DOCK4: variants seen among roughly 807,000 people sequenced by gnomAD.
DOCK4 encodes the protein dedicator of cytokinesis 4.
In DOCK4, 97 loss-of-function variants were observed where a neutral mutation model predicts 268.1. The observed-to-expected ratio is 0.36, with a 90% CI of 0.31 to 0.43. The LOEUF is 0.43. Ranked by LOEUF, DOCK4 falls within the 20% of genes least tolerant of loss-of-function variation. The pLI is 1.00. For synonymous variants in DOCK4, 954 were observed against 887.2 expected (o/e 1.08, Z -1.34); for missense variants, 2,145 against 2,455.7 (o/e 0.87, Z 2.67).
At chr7:111,974,550 TG>T (rs1248259666) in intron 8 of DOCK4, among the ~76,000 whole-genome samples, 16 of 54,568 alleles carry the variant, frequency 2.9e-4, no homozygotes, top group Non-Finnish European at 1.9e-4. Flanking sequence ...GTGTGTATGA[TG>T]GGGGTTGCAG....
In DOCK4 at chr7:111,811,930, G is replaced by C. The variant is rs1172580232; in HGVS notation, c.2950C>G (p.Leu984Val). The part of the protein sequence containing the change: ...VANNVIITTV[L>V]YLSDALRKNF... ...TTACGAAGTGCATCTGAGAGGTATAGAACTGTTGTAATAATAACACTAGTG... is the reference window on the plus strand; with the variant it reads ...TTACGAAGTGCATCTGAGAGGTATACAACTGTTGTAATAATAACACTAGTG... Residue 984 changes from leucine (L) to valine (V), a missense_variant, in exon 28 of 53, where the codon CTA becomes GTA. Leu to Val is a conservative substitution (Grantham distance 32, BLOSUM62 1). Transcript: ENST00000428084. 8.5e-6 allele frequency: 13 copies of C among 1,521,470 alleles called. No homozygotes were observed. The highest frequency in any genetic ancestry group is 1.2e-5 in the Non-Finnish European group (13 of 1,124,336). 94.2% of individuals were successfully genotyped at this position (1,521,470 alleles called of 1,614,324 possible). A position where few individuals can be genotyped will look rare whatever the true frequency, so the allele number is the denominator to read the frequency against.
intron 13 of DOCK4, among the ~76,000 whole-genome samples, chr7:111,911,546 G>A (rs542343137): frequency 6.6e-6 from 1 of 152,216 alleles, no homozygotes; most frequent in African/African-American, 2.4e-5. Flanking sequence ...ACAGACACAT[G>A]TCTGAAAGAA....
intron 17 of DOCK4, among the ~76,000 whole-genome samples, chr7:111,876,470 C>T (rs17158941): frequency 0.026 from 3,945 of 152,086 alleles, 156 homozygotes; most frequent in African/African-American, 0.089. Flanking sequence ...ATATAGCATT[C>T]GGGGTGCTAG....
At chr7:112,205,558 G>C (rs1000085830) in intron 1 of DOCK4, among the ~76,000 whole-genome samples, 10 of 152,204 alleles carry the variant, frequency 6.6e-5, no homozygotes, top group Non-Finnish European at 1.3e-4. Flanking sequence ...TTGTCAGAGC[G>C]GCTCTCTCCA....
At chr7:111,796,742 C>A (rs1368659445) in intron 30 of DOCK4, among the ~76,000 whole-genome samples, 1 of 152,178 alleles carries the variant, frequency 6.6e-6, no homozygotes, top group Non-Finnish European at 1.5e-5. Context: ...CCAAAGGCAA[C>A]ACAGGCTCTC....
intron 1 of DOCK4, among the ~76,000 whole-genome samples, chr7:112,121,867 T>C (rs1264875648): frequency 1.3e-5 from 2 of 152,164 alleles, no homozygotes; most frequent in African/African-American, 4.8e-5. Flanking sequence ...TTATATCTGA[T>C]CTCTTATTAA....
chr7:111,903,186 C>A (rs1791286221), intron 13 of DOCK4, among the ~76,000 whole-genome samples: 1 of 152,182 alleles, frequency 6.6e-6, no homozygotes, highest in South Asian at 2.1e-4. Context: ...TGTGCCAGAT[C>A]ATCTTCCTCC....
chr7:112,113,397 A>T (rs1189844669), intron 1 of DOCK4, among the ~76,000 whole-genome samples: 1 of 151,962 alleles, frequency 6.6e-6, no homozygotes, highest in African/African-American at 2.4e-5. Context: ...ACCACAAAAG[A>T]TTTTTTTTAA....
chr7:112,059,743 G>A (rs1004582646), intron 1 of DOCK4, among the ~76,000 whole-genome samples: 10 of 152,184 alleles, frequency 6.6e-5, no homozygotes, highest in African/African-American at 2.4e-4. Flanking sequence ...GGGGGAAAAA[G>A]TCATGGAATG....
chr7:112,091,802 C>G (rs1290719286), intron 1 of DOCK4, among the ~76,000 whole-genome samples: 1 of 152,196 alleles, frequency 6.6e-6, no homozygotes, highest in Non-Finnish European at 1.5e-5. Flanking sequence ...CCACAACTTA[C>G]ACCCATAATC....
chr7:112,192,795 T>C (rs1052740968), intron 1 of DOCK4, among the ~76,000 whole-genome samples: 2 of 152,110 alleles, frequency 1.3e-5, no homozygotes, highest in African/African-American at 4.8e-5. Context: ...CATAGGCATA[T>C]ACCATAAATA....
intron 1 of DOCK4, among the ~76,000 whole-genome samples, chr7:112,072,687 G>T (rs1264274053): frequency 6.6e-6 from 1 of 152,176 alleles, no homozygotes; most frequent in Non-Finnish European, 1.5e-5. Flanking sequence ...CCCTAAAATA[G>T]TATTTGTTGC....
chr7:111,945,140 T>C (rs772882785), intron 9 of DOCK4, among the ~76,000 whole-genome samples: 1 of 152,220 alleles, frequency 6.6e-6, no homozygotes, highest in Non-Finnish European at 1.5e-5. Flanking sequence ...ATTAAGCACA[T>C]ACTAAATACC....
chr7:112,101,924 G>T lies in DOCK4; in HGVS notation c.38-97793C>A, dbSNP rs990842742. 1.3e-4 allele frequency among the ~76,000 whole-genome samples: 20 copies of T among 151,520 alleles called. No individual in the cohort carries two copies. The East Asian group carries it at 3.9e-3, about 30-fold the overall frequency. On this transcript the variant is annotated intron_variant, in intron 1 of 52. Transcript: ENST00000428084. ...GTGGCGCGATCTCGGCTTACTGCAA[G>T]CTCCGCCTCGCGGGTTCACGCCATT...
At chr7:112,145,465 C>T (rs542913799) in intron 1 of DOCK4, among the ~76,000 whole-genome samples, 29 of 152,256 alleles carry the variant, frequency 1.9e-4, no homozygotes, top group Non-Finnish European at 3.2e-4. Flanking sequence ...AAAAGGGCCG[C>T]GGGGCTCGCA....
At chr7:111,744,366 A>T (rs1263351633) in intron 44 of DOCK4, among the ~76,000 whole-genome samples, 1 of 152,164 alleles carries the variant, frequency 6.6e-6, no homozygotes, top group Non-Finnish European at 1.5e-5. Flanking sequence ...GGTCCAGAGA[A>T]GGATGGTGCC....
At chr7:111,962,106 T>C (rs540663696) in intron 8 of DOCK4, among the ~76,000 whole-genome samples, 1 of 152,296 alleles carries the variant, frequency 6.6e-6, no homozygotes. Flanking sequence ...TGTTCTTCCA[T>C]TGCGGAAGTA....
intron 8 of DOCK4, among the ~76,000 whole-genome samples, chr7:111,955,149 C>G (rs764770294): frequency 4.6e-5 from 7 of 152,154 alleles, no homozygotes; most frequent in Non-Finnish European, 1.0e-4. Context: ...CATGAGAACA[C>G]AAATGACAGA....
chr7:112,066,690 C>CATATATATATATATATATAT (rs751631282), intron 1 of DOCK4, among the ~76,000 whole-genome samples: 3 of 20,978 alleles, frequency 1.4e-4, no homozygotes, highest in African/African-American at 2.2e-4. Context: ...TATACATATA[C>CATATATATATATATATATAT]ATATATATAT....
Sources: allele counts gnomAD v4.1 joint callset (sites outside exome capture counted in the v4.1 genomes callset), GRCh38; gene constraint gnomAD v4.1.1; transcripts MANE v1.5; gene names NCBI Gene and HGNC (gene_info 2026-07-23, HGNC 2026-07-21).